CCM2: variants seen among roughly 807,000 people sequenced by gnomAD.
CCM2 encodes the protein cerebral cavernous malformations 2 protein.
In CCM2, 25 loss-of-function variants were observed where a neutral mutation model predicts 44.9. The ratio of observed to expected loss-of-function variants is 0.56; its 90% CI spans 0.41 to 0.78. The LOEUF is 0.78. Ranked by LOEUF, CCM2 falls within the 30% of genes least tolerant of loss-of-function variation. The pLI is 0.00. For synonymous variants in CCM2, 219 were observed against 241.1 expected (o/e 0.91, Z 0.85); for missense variants, 481 against 580.6 (o/e 0.83, Z 1.76).
At chr7:45,040,766 C>A (rs997995023) in intron 2 of CCM2, among the ~76,000 whole-genome samples, 1 of 152,144 alleles carries the variant, frequency 6.6e-6, no homozygotes, top group Non-Finnish European at 1.5e-5. Flanking sequence ...GGGGGCAGAT[C>A]AGATGAGGCC....
chr7:45,071,352 C>A (rs10248390), intron 6 of CCM2: 20,806 of 156,336 alleles, frequency 0.13, 1,715 homozygotes, highest in Middle Eastern at 0.22. Flanking sequence ...AATGAATTTT[C>A]ATAAAGTAAA....
intron 2 of CCM2, among the ~76,000 whole-genome samples, chr7:45,055,558 G>A (rs1318530136): frequency 1.3e-5 from 2 of 152,204 alleles, no homozygotes; most frequent in South Asian, 2.1e-4. Flanking sequence ...GTGTGGTGAC[G>A]GGTGCCCGTA....
chr7:45,071,825 T>C (rs1483065854), intron 6 of CCM2: 1 of 456,654 alleles, frequency 2.2e-6, no homozygotes. Context: ...ACTCTTGCAA[T>C]CACATTGAGC....
intron 1 of CCM2, among the ~76,000 whole-genome samples, chr7:45,021,139 C>T (rs1404341423): frequency 1.3e-5 from 2 of 152,032 alleles, no homozygotes; most frequent in Non-Finnish European, 2.9e-5. Context: ...GCCTGTAGTC[C>T]CAGCCTACTC....
At chr7:45,012,597 C>T (rs1446465243) in intron 1 of CCM2, among the ~76,000 whole-genome samples, 4 of 152,078 alleles carry the variant, frequency 2.6e-5, no homozygotes, top group African/African-American at 7.3e-5. Context: ...GCTCTGTCGC[C>T]GAGGCTGGAG....
intron 1 of CCM2, among the ~76,000 whole-genome samples, chr7:45,034,512 CTTTT>C (rs35845924): frequency 3.1e-5 from 2 of 65,222 alleles, no homozygotes; most frequent in Admixed American, 2.5e-4. Context: ...CATGCCTGGC[CTTTT>C]TTTTTTTTTT....
In CCM2 at chr7:45,069,956, A is replaced by G. The variant is rs201370741; in HGVS notation, c.740A>G (p.His247Arg). The G allele has an allele frequency of 6.2e-7, 1 of 1,613,928 alleles. No individual in the cohort carries two copies. Among genetic ancestry groups the G allele is most frequent in the East Asian group, 2.2e-5 (1 of 44,882 alleles). ...ASTPTHHLSL[H>R]SDDSSTKVDI... ...ACCCCGACCCACCACCTGTCCCTGC[A>G]CAGCGGTATGTTGAGTGAGAGTGGG... is the stretch of plus-strand genomic sequence containing the variant. The change falls in exon 6 of 10, where the codon CAC becomes CGC. Residue 247 changes from histidine to arginine, a missense_variant. His to Arg is a conservative substitution (Grantham distance 29, BLOSUM62 0). Transcript: ENST00000258781.
intron 1 of CCM2, among the ~76,000 whole-genome samples, chr7:45,033,122 A>C (rs555668082): frequency 1.4e-5 from 2 of 144,406 alleles, no homozygotes; most frequent in African/African-American, 5.0e-5. Flanking sequence ...GGAAGAATTG[A>C]TGTGATGCTT....
intron 6 of CCM2, chr7:45,070,394 T>C: frequency 6.6e-6 from 3 of 452,554 alleles, no homozygotes; most frequent in Non-Finnish European, 1.3e-5. Flanking sequence ...TCCAGGACCA[T>C]GGCCAGACCC....
chr7:45,038,665 C>T (rs910059757), intron 2 of CCM2, among the ~76,000 whole-genome samples: 2 of 152,216 alleles, frequency 1.3e-5, no homozygotes, highest in Non-Finnish European at 2.9e-5. Flanking sequence ...TTCTTTCTCT[C>T]GAAGACTTGG....
At chr7:45,072,509 G>T (rs1799128288) in intron 6 of CCM2, 5 of 637,028 alleles carry the variant, frequency 7.8e-6, no homozygotes, top group Non-Finnish European at 1.4e-5. Context: ...GCATTTGCCA[G>T]GATCCCCAGG....
rs1583971223 is a variant in CCM2 at position 45,064,700 on chromosome 7, A to G, written c.472+54A>G. 1.9e-6 allele frequency: 3 copies of G among 1,595,338 alleles called. No individual in the cohort carries two copies. In the Admixed American group the frequency reaches 5.0e-5, roughly 27 times the overall value. On this transcript the variant is annotated intron_variant, in intron 4 of 9. Coordinates refer to ENST00000258781, the MANE Select transcript of CCM2 (RefSeq NM_031443.4). ...CTTGTCCTAAGGAGTACATGTGTGAATTTTATGAAGTTCTGGAGACAGTTT... is the reference window on the plus strand; with the variant it reads ...CTTGTCCTAAGGAGTACATGTGTGAGTTTTATGAAGTTCTGGAGACAGTTT...
intron 1 of CCM2, among the ~76,000 whole-genome samples, chr7:45,023,667 G>C (rs1372227518): frequency 6.7e-6 from 1 of 148,560 alleles, no homozygotes; most frequent in Non-Finnish European, 1.5e-5. Context: ...AGAATGCCTT[G>C]TTATTGTGAA....
In CCM2 at chr7:45,038,252, G is replaced by T; in HGVS notation, c.31-1G>T. 6.2e-7 allele frequency: 1 copy of T among 1,613,996 alleles called. No homozygotes were observed. The highest frequency in any genetic ancestry group is 8.5e-7 in the Non-Finnish European group (1 of 1,180,024). The stretch of plus-strand genomic sequence containing the variant: ...CCAATCATTGCCGTTTCTGCCTGCA[G>T]CCTGGAATTGTCTCGCCATTTAAAC... On this transcript the variant is annotated splice_acceptor_variant, in intron 1 of 9. Transcript: ENST00000258781. LOFTEE classifies it high-confidence loss of function.
In CCM2 at chr7:45,076,131, C is replaced by T; in HGVS notation, c.*74C>T. ...GCCTTCCCAGAAGGAGCTGCCCAGA[C>T]CTGCGTGTCAGCCCTTGGTGGTGGC... On this transcript the variant is annotated 3_prime_UTR_variant, in exon 10 of 10. Coordinates refer to ENST00000258781, the MANE Select transcript of CCM2 (RefSeq NM_031443.4). 2 of 1,595,014 alleles carry T rather than the reference C, an allele frequency of 1.3e-6. No homozygotes were observed. The highest frequency in any genetic ancestry group is 1.7e-6 in the Non-Finnish European group (2 of 1,172,880).
At position 45,074,414 on chromosome 7, in the gene CCM2, T is replaced by G. The variant is rs759379755; in HGVS notation, c.1054+6T>G. The G allele has an allele frequency of 6.2e-7, 1 of 1,611,750 alleles. No homozygotes were observed. Among genetic ancestry groups the G allele is most frequent in the Non-Finnish European group, 8.5e-7 (1 of 1,178,948 alleles). On this transcript the variant is annotated splice_donor_region_variant and intron_variant, in intron 9 of 9. Transcript: ENST00000258781. Reference sequence around the variant, plus strand: ...CCGCAAGTTCCTGCTGCTTGGTGAGTGGGCCCTGGAAAGAGGGTGGCTTGT... The same window carrying G: ...CCGCAAGTTCCTGCTGCTTGGTGAGGGGGCCCTGGAAAGAGGGTGGCTTGT...
intron 2 of CCM2, among the ~76,000 whole-genome samples, chr7:45,048,524 G>T (rs1797860877): frequency 6.6e-6 from 1 of 152,060 alleles, no homozygotes; most frequent in Non-Finnish European, 1.5e-5. Flanking sequence ...CATTCCTCTG[G>T]GAGGCCGAGG....
At chr7:45,047,057 G>T (rs1355258827) in intron 2 of CCM2, among the ~76,000 whole-genome samples, 1 of 152,152 alleles carries the variant, frequency 6.6e-6, no homozygotes, top group Non-Finnish European at 1.5e-5. Flanking sequence ...TTTAAAAAAA[G>T]TAGAACACAA....
chr7:45,011,813 A>C (rs981831026), intron 1 of CCM2, among the ~76,000 whole-genome samples: 3 of 152,148 alleles, frequency 2.0e-5, no homozygotes, highest in Admixed American at 6.5e-5. Context: ...TGGCCTCTCT[A>C]AAAGTGCTGA....
Sources: allele counts gnomAD v4.1 joint callset (sites outside exome capture counted in the v4.1 genomes callset), GRCh38; gene constraint gnomAD v4.1.1; transcripts MANE v1.5; gene names NCBI Gene and HGNC (gene_info 2026-07-23, HGNC 2026-07-21).